TIAM1: variants seen among roughly 807,000 people sequenced by gnomAD.
TIAM1 encodes the protein TIAM Rac1 associated GEF 1.
TIAM1 carries 65 observed loss-of-function variants against 163.5 expected under a neutral mutation model. The ratio of observed to expected loss-of-function variants is 0.40; its 90% confidence interval spans 0.33 to 0.49. The LOEUF (loss-of-function observed/expected upper bound fraction) is 0.49, where lower values mean the gene tolerates loss of function less well. TIAM1 is among the 20% of genes least tolerant of loss of function. The pLI, the probability that TIAM1 is intolerant of heterozygous loss-of-function variation, is 0.77. For synonymous variants in TIAM1, 833 were observed against 810.1 expected, an observed-to-expected ratio of 1.03 and a Z score of -0.48; for missense variants, 1,789 against 2,044.7, an observed-to-expected ratio of 0.87 and a Z score of 2.41.
At chr21:31,269,601 A>C (rs1411525091) in intron 3 of TIAM1, among the ~76,000 whole-genome samples, 1 of 151,962 alleles carries the variant, frequency 6.6e-6, no homozygotes. Context: ...AGGAGACACA[A>C]TCTCCACTTC....
At chr21:31,302,646 C>T (rs1264096728) in intron 2 of TIAM1, among the ~76,000 whole-genome samples, 4 of 152,188 alleles carry the variant, frequency 2.6e-5, no homozygotes, top group Admixed American at 2.6e-4. Flanking sequence ...TGCTGCATAA[C>T]GGCCAAGTCT....
chr21:31,401,936 C>G (rs578052695), intron 2 of TIAM1, among the ~76,000 whole-genome samples: 10 of 151,350 alleles, frequency 6.6e-5, no homozygotes, highest in African/African-American at 2.2e-4. Context: ...AATTGGAGCC[C>G]GGGCATGGTG....
intron 2 of TIAM1, among the ~76,000 whole-genome samples, chr21:31,331,270 T>A (rs2833375): frequency 0.14 from 20,876 of 152,114 alleles, 1,922 homozygotes; most frequent in East Asian, 0.44. Context: ...CAATTATGTC[T>A]CAAAATCCAT....
In TIAM1 at chr21:31,182,381, C is replaced by T. The variant is rs199685308; in HGVS notation, c.2887+40G>A. 4.7e-5 allele frequency: 68 copies of T among 1,458,116 alleles called. No individual in the cohort carries two copies. The Admixed American group carries it at 5.1e-4, about 11-fold the overall frequency. 90.3% of individuals were successfully genotyped at this position (1,458,116 alleles called of 1,614,324 possible). On this transcript the variant is annotated intron_variant, in intron 15 of 27. Coordinates refer to ENST00000541036, the MANE Select transcript of TIAM1 (RefSeq NM_001353694.2). The stretch of plus-strand genomic sequence containing the variant: ...ATAAACTCCCCGGGTCGTGGCACAA[C>T]GGAGTTCAGACTCGCCCCCAGCACC...
At chr21:31,210,797 A>AG in intron 10 of TIAM1, among the ~76,000 whole-genome samples, 1 of 148,870 alleles carries the variant, frequency 6.7e-6, no homozygotes, top group African/African-American at 2.6e-5. Flanking sequence ...AAAGAAAGAA[A>AG]GAAAGAAAGA....
intron 2 of TIAM1, among the ~76,000 whole-genome samples, chr21:31,430,275 T>C (rs200636400): frequency 0.051 from 6,101 of 118,910 alleles, 500 homozygotes; most frequent in African/African-American, 0.18. Flanking sequence ...CACACACACA[T>C]ATATATATAT....
chr21:31,245,270 G>C (rs1264877050), intron 6 of TIAM1, among the ~76,000 whole-genome samples: 1 of 150,194 alleles, frequency 6.7e-6, no homozygotes, highest in Non-Finnish European at 1.5e-5. Context: ...GCCTTCACTT[G>C]GAAAACTTCT....
In TIAM1 at chr21:31,124,689, G is replaced by A. The variant is rs1045111561; in HGVS notation, c.4139C>T (p.Pro1380Leu). ...CTTTAGGAAATCCTTTCGGCTCTCT[G>A]GGGAGCTAGGAAAAGAAGATTTACA... ...ERVFHLCCSSPESRKDFLKAV... is the reference protein window; with the variant it reads ...ERVFHLCCSSLESRKDFLKAV... Residue 1380 changes from proline to leucine, a missense_variant, in exon 27 of 28, where the codon CCA becomes CTA. Physicochemically the swap from Pro to Leu is moderately conservative, Grantham distance 98 (BLOSUM62 -3). This residue lies in a region of TIAM1 where 415 missense variants were observed against 439.2 expected (regional missense o/e 0.94). Transcript: ENST00000541036. 5.7e-6 allele frequency: 9 copies of A among 1,569,962 alleles called. No homozygotes were observed. The highest frequency in any genetic ancestry group is 2.3e-5 in the East Asian group (1 of 44,066).
intron 20 of TIAM1, among the ~76,000 whole-genome samples, chr21:31,143,467 C>T (rs35157711): frequency 0.053 from 6,422 of 120,308 alleles, 401 homozygotes; most frequent in African/African-American, 0.18. Flanking sequence ...TATATATATA[C>T]ACACACACAC....
rs920016978 is a variant in TIAM1, at chr21:31,522,788, T to C, written c.-422+36139A>G. 2.6e-5 allele frequency among the ~76,000 whole-genome samples: 4 copies of C among 152,214 alleles called. No individual in the cohort carries two copies. In the East Asian group the frequency reaches 7.7e-4, roughly 29 times the overall value. ...TCACTGGCTATAACATATCAAGAAT[T>C]GGAAATAGTGATGACCAGGAAGTTT... On this transcript the variant is annotated intron_variant, in intron 1 of 28. Transcript: ENST00000286827.
At chr21:31,553,237 T>C (rs2048753969) in intron 1 of TIAM1, among the ~76,000 whole-genome samples, 1 of 152,196 alleles carries the variant, frequency 6.6e-6, no homozygotes, top group African/African-American at 2.4e-5. Flanking sequence ...CCCACGGAGC[T>C]TGGGGCCTTA....
At chr21:31,131,099 A>G in intron 23 of TIAM1, 151 bp from the exon 24 acceptor site, 2 of 605,734 alleles carry the variant, frequency 3.3e-6, no homozygotes, top group Non-Finnish European at 2.9e-6. Flanking sequence ...TTCATTCATC[A>G]CATCTGTGAA....
At chr21:31,379,885 A>G (rs968349683) in intron 2 of TIAM1, among the ~76,000 whole-genome samples, 3 of 152,220 alleles carry the variant, frequency 2.0e-5, no homozygotes, top group Non-Finnish European at 4.4e-5. Context: ...GGAGGGAAAT[A>G]CGGATGGCTG....
chr21:31,455,571 C>T (rs557046005), intron 2 of TIAM1, among the ~76,000 whole-genome samples: 2 of 152,068 alleles, frequency 1.3e-5, no homozygotes, highest in African/African-American at 2.4e-5. Flanking sequence ...TGCCATGACG[C>T]CCAGCTAATT....
At chr21:31,171,607 G>C (rs1179614974) in intron 15 of TIAM1, among the ~76,000 whole-genome samples, 1 of 152,118 alleles carries the variant, frequency 6.6e-6, no homozygotes, top group Admixed American at 6.5e-5. Flanking sequence ...TCAATAAAAT[G>C]AATTAAAATG....
chr21:31,469,775 T>C (rs1484701369), intron 1 of TIAM1, among the ~76,000 whole-genome samples: 2 of 151,688 alleles, frequency 1.3e-5, no homozygotes, highest in Non-Finnish European at 2.9e-5. Context: ...GAGCTTGCAG[T>C]GAGCCAAGAT....
upstream of TIAM1, among the ~76,000 whole-genome samples, chr21:31,348,064 CA>C (rs2054352317): frequency 6.6e-6 from 1 of 151,992 alleles, no homozygotes; most frequent in Non-Finnish European, 1.5e-5. Context: ...ATATTCTCTC[CA>C]AAAATTTTAA....
intron 1 of TIAM1, among the ~76,000 whole-genome samples, chr21:31,486,839 C>T (rs1158833943): frequency 6.6e-6 from 1 of 152,214 alleles, no homozygotes; most frequent in Admixed American, 6.5e-5. Flanking sequence ...CTCAGGCCCC[C>T]GCATGTCACA....
intron 6 of TIAM1, among the ~76,000 whole-genome samples, chr21:31,236,086 T>C (rs989222236): frequency 7.2e-5 from 11 of 152,328 alleles, no homozygotes; most frequent in African/African-American, 2.6e-4. Context: ...GGGAGCTCTC[T>C]CACCCTGTAC....
Sources: allele counts gnomAD v4.1 joint callset (sites outside exome capture counted in the v4.1 genomes callset), GRCh38; gene constraint gnomAD v4.1.1; regional missense constraint gnomAD v4.1.1; transcripts MANE v1.5; gene names NCBI Gene and HGNC (gene_info 2026-07-23, HGNC 2026-07-21).